Variants in LHFPL4 observed in about 807,000 individuals in gnomAD.
The protein encoded by LHFPL4 is LHFPL tetraspan subfamily member 4, also known as LHFPL tetraspan subfamily member 4 protein.
Under a neutral mutation model 20.0 loss-of-function variants are expected in LHFPL4, and 6 were observed. The observed-to-expected ratio is 0.30, with a 90% CI of 0.16 to 0.59. LHFPL4 has a LOEUF of 0.59. Among genes scored for constraint, LHFPL4 ranks in the 20% least tolerant of loss-of-function variants. The pLI is 0.88. For synonymous variants in LHFPL4, 129 were observed against 143.8 expected (o/e 0.90, Z 0.74); for missense variants, 215 against 331.2 (o/e 0.65, Z 2.72).
At position 9,531,925 on chromosome 3, in the gene LHFPL4, T is replaced by C. The variant is rs1321868820; in HGVS notation, c.406+20349A>G. Among the ~76,000 whole-genome samples the C allele has an allele frequency of 3.3e-5, 5 of 152,304 alleles. No homozygotes were observed. The East Asian group carries it at 5.8e-4, about 18-fold the overall frequency. On this transcript the variant is annotated intron_variant, in intron 2 of 3. Coordinates refer to ENST00000287585, the MANE Select transcript of LHFPL4 (RefSeq NM_198560.3). ...AGAAGAGGTAAAGAATAAGAGAACA[T>C]ATACTTTATACTCAGGTGCTTGTTT...
intron 2 of LHFPL4, among the ~76,000 whole-genome samples, chr3:9,521,978 T>C (rs925504343): frequency 2.0e-5 from 3 of 152,168 alleles, no homozygotes; most frequent in African/African-American, 7.2e-5. Context: ...TCCTGTCTTT[T>C]GTGGTTTTAA....
At chr3:9,543,441 A>C (rs887332083) in intron 2 of LHFPL4, among the ~76,000 whole-genome samples, 3 of 151,696 alleles carry the variant, frequency 2.0e-5, no homozygotes, top group Non-Finnish European at 4.4e-5. Flanking sequence ...CGGAGCTTGC[A>C]GTGAGCCGAG....
chr3:9,506,057 G>C lies in LHFPL4; in HGVS notation c.553C>G (p.Leu185Val). 1.2e-6 allele frequency: 2 copies of C among 1,614,208 alleles called. No individual in the cohort carries two copies. Among genetic ancestry groups the C allele is most frequent in the Non-Finnish European group, 1.7e-6 (2 of 1,180,032 alleles). Residue 185 changes from leucine (L) to valine (V), a missense_variant, in exon 3 of 4, where the codon CTC becomes GTC. Physicochemically the swap from Leu to Val is conservative, Grantham distance 32. Coordinates refer to ENST00000287585, the MANE Select transcript of LHFPL4 (RefSeq NM_198560.3). The surrounding 1 kb of genome is among the most constrained non-coding windows in gnomAD (Gnocchi z 4.5). ...WAYILAIIGI[L>V]NALILSFLAF... The stretch of plus-strand genomic sequence containing the variant: ...AGGAAGGAGAGGATGAGGGCGTTGA[G>C]GATGCCGATGATGGCCAGGATGTAT...
chr3:9,523,992 C>CCG (rs1553647666), intron 2 of LHFPL4, among the ~76,000 whole-genome samples: 4 of 141,314 alleles, frequency 2.8e-5, no homozygotes, highest in African/African-American at 5.3e-5. Flanking sequence ...TTCCCCCCCC[C>CCG]CCAACACTTT....
At position 9,505,846 on chromosome 3, in the gene LHFPL4, A is replaced by G. The variant is rs1574836693; in HGVS notation, c.643+121T>C. 3.1e-6 allele frequency: 3 copies of G among 969,572 alleles called. No individual in the cohort carries two copies. The East Asian group carries it at 7.2e-5, about 23-fold the overall frequency. The allele number at this position is 969,572 out of a possible 1,614,324, so 60.1% of individuals were successfully genotyped here. ...AGTGCTGGGATTATAGGCGTGAGCC[A>G]CCACGCCCAGCCAGGGTTTCCAATT... On this transcript the variant is annotated intron_variant, in intron 3 of 3. Transcript: ENST00000287585.
chr3:9,505,643 C>T (rs540816371), intron 3 of LHFPL4, among the ~76,000 whole-genome samples: 19 of 152,264 alleles, frequency 1.2e-4, no homozygotes, highest in Admixed American at 2.0e-4. Context: ...CCAGGATGGT[C>T]TGGATCTTCT....
At chr3:9,523,264 C>T (rs1277082697) in intron 2 of LHFPL4, among the ~76,000 whole-genome samples, 7 of 150,502 alleles carry the variant, frequency 4.7e-5, no homozygotes, top group Admixed American at 4.0e-4. Context: ...GGCTGTAGTC[C>T]CAGCTACTCG....
chr3:9,522,569 G>A (rs1241915927), intron 2 of LHFPL4, among the ~76,000 whole-genome samples: 2 of 151,054 alleles, frequency 1.3e-5, no homozygotes, highest in African/African-American at 4.9e-5. Context: ...ATGAAGCCTT[G>A]TTTCTACTAA....
At chr3:9,547,394 C>G (rs572098857) in intron 2 of LHFPL4, among the ~76,000 whole-genome samples, 9 of 152,334 alleles carry the variant, frequency 5.9e-5, no homozygotes, top group African/African-American at 2.2e-4. Context: ...TGTCCCCCGG[C>G]TAACTACACC....
At chr3:9,505,696 T>C (rs1484865322) in intron 3 of LHFPL4, among the ~76,000 whole-genome samples, 1 of 152,168 alleles carries the variant, frequency 6.6e-6, no homozygotes, top group African/African-American at 2.4e-5. Context: ...AGTGCTGGGA[T>C]TACAGGCGTG....
At chr3:9,524,749 G>A (rs1005280263) in intron 2 of LHFPL4, among the ~76,000 whole-genome samples, 15 of 152,100 alleles carry the variant, frequency 9.9e-5, no homozygotes, top group Non-Finnish European at 2.1e-4. Flanking sequence ...TAATTGAGCC[G>A]GGTTCACATA....
Position 9,501,774 on chromosome 3 carries a change from C to T in LHFPL4, c.*437G>A, listed in dbSNP as rs978423185. Reference sequence around the variant, plus strand: ...AAAGTAGGAAAGAGTCCAGCCCACCCTGGAGCAGTATCTAGAATAAATTTC... The same window carrying T: ...AAAGTAGGAAAGAGTCCAGCCCACCTTGGAGCAGTATCTAGAATAAATTTC... On this transcript the variant is annotated 3_prime_UTR_variant, in exon 4 of 4. Transcript: ENST00000287585. 1.9e-5 allele frequency: 3 copies of T among 160,598 alleles called. No individual in the cohort carries two copies. The highest frequency in any genetic ancestry group is 7.2e-5 in the African/African-American group (3 of 41,724). The allele number at this position is 160,598 out of a possible 1,614,324, so 9.9% of individuals were successfully genotyped here.
intron 2 of LHFPL4, among the ~76,000 whole-genome samples, chr3:9,534,671 G>C (rs1421467911): frequency 6.6e-6 from 1 of 152,176 alleles, no homozygotes; most frequent in Non-Finnish European, 1.5e-5. Context: ...AAACCATAAA[G>C]TGGGTGGGGT....
At chr3:9,502,342 G>A (rs1163168078) in intron 3 of LHFPL4, 31 bp from the exon 4 acceptor site, 1 of 1,313,416 alleles carries the variant, frequency 7.6e-7, no homozygotes, top group Non-Finnish European at 1.1e-6. Context: ...GAGAAGGAGA[G>A]AGAATTAGAG....
intron 2 of LHFPL4, among the ~76,000 whole-genome samples, chr3:9,510,337 C>A (rs1330535721): frequency 6.6e-6 from 1 of 150,746 alleles, no homozygotes; most frequent in Non-Finnish European, 1.5e-5. Context: ...CCTCAGGAGG[C>A]TGAGGTGGGA....
At chr3:9,509,854 G>A (rs1053330415) in intron 2 of LHFPL4, among the ~76,000 whole-genome samples, 1 of 152,224 alleles carries the variant, frequency 6.6e-6, no homozygotes, top group Admixed American at 6.5e-5. Context: ...ATCAGGAGAT[G>A]GAATGACTGC....
chr3:9,538,139 C>T (rs570245286), intron 2 of LHFPL4, among the ~76,000 whole-genome samples: 1 of 152,266 alleles, frequency 6.6e-6, no homozygotes, highest in African/African-American at 2.4e-5. Context: ...CTTTCTCCTC[C>T]TCTCCATCCG....
At chr3:9,519,734 G>T (rs2648415) in intron 2 of LHFPL4, among the ~76,000 whole-genome samples, 53,336 of 151,692 alleles carry the variant, frequency 0.35, 10,113 homozygotes, top group Non-Finnish European at 0.43. Context: ...AATTTTTTTC[G>T]TTAGAGATGA....
intron 2 of LHFPL4, among the ~76,000 whole-genome samples, chr3:9,546,573 G>T (rs1313024161): frequency 3.9e-5 from 6 of 152,154 alleles, no homozygotes; most frequent in Non-Finnish European, 8.8e-5. Flanking sequence ...CTGGGTACAA[G>T]TCTCACTCTG....
Sources: gnomAD v4.1 joint callset for allele counts (sites outside exome capture counted in the v4.1 genomes callset) on GRCh38, gnomAD v4.1.1 for gene constraint, Gnocchi (gnomAD v3.1) non-coding constraint, MANE v1.5 for transcripts, NCBI Gene and HGNC (gene_info 2026-07-23, HGNC 2026-07-21) for gene names.